Variants in PIK3CA observed in about 807,000 individuals in gnomAD.
PIK3CA encodes the protein phosphatidylinositol 4,5-bisphosphate 3-kinase catalytic subunit alpha isoform.
A neutral mutation model predicts 138.2 loss-of-function variants in PIK3CA; 27 were observed. The ratio of observed to expected loss-of-function variants is 0.20; its 90% CI spans 0.14 to 0.27. PIK3CA has a LOEUF of 0.27. Among genes scored for constraint, PIK3CA ranks in the 10% least tolerant of loss-of-function variants. PIK3CA has a pLI of 1.00. For synonymous variants in PIK3CA, 358 were observed against 413.2 expected (o/e 0.87, Z 1.62); for missense variants, 544 against 1,277.4 (o/e 0.43, Z 8.75).
intron 1 of PIK3CA, among the ~76,000 whole-genome samples, chr3:179,183,356 G>A (rs770168469): frequency 3.3e-5 from 5 of 151,958 alleles, no homozygotes; most frequent in African/African-American, 4.8e-5. Context: ...ATCCAATGTC[G>A]TAACATCCCA....
intron 1 of PIK3CA, chr3:179,149,703 C>G (rs1009173072): frequency 1.3e-5 from 2 of 152,158 alleles, no homozygotes; most frequent in Non-Finnish European, 2.9e-5. Flanking sequence ...GGGAGAACCC[C>G]TTAGAATACT....
At chr3:179,223,456 C>T (rs1725013249) in intron 14 of PIK3CA, among the ~76,000 whole-genome samples, 1 of 152,150 alleles carries the variant, frequency 6.6e-6, no homozygotes, top group Non-Finnish European at 1.5e-5. Context: ...TATGAGACTC[C>T]ATGTAACAAA....
At chr3:179,188,245 C>T (rs1180657465) in intron 1 of PIK3CA, among the ~76,000 whole-genome samples, 1 of 152,158 alleles carries the variant, frequency 6.6e-6, no homozygotes, top group Non-Finnish European at 1.5e-5. Flanking sequence ...ACAGGTGTTG[C>T]TAAAGATGTG....
intron 1 of PIK3CA, among the ~76,000 whole-genome samples, chr3:179,156,622 G>A (rs1429094402): frequency 6.6e-6 from 1 of 152,138 alleles, no homozygotes. Flanking sequence ...TGATCAGAAA[G>A]CAGTGATGTT....
Position 179,201,478 on chromosome 3 carries a change from AT to A in PIK3CA, c.755del (p.Leu252Ter). On this transcript the variant is annotated frameshift_variant, in exon 4 of 21. Transcript: ENST00000263967. LOFTEE classifies it high-confidence loss of function. ...TGTTTTAGAATATCAGGGCAAGTAT[AT>A]TTTAAAAGTGTGTGGATGTGATGAA... ...LCVLEYQGKY[I>X]LKVCGCDEYF... The A allele has an allele frequency of 6.2e-7, 1 of 1,612,262 alleles. No individual in the cohort carries two copies. The highest frequency in any genetic ancestry group is 8.5e-7 in the Non-Finnish European group (1 of 1,178,402).
At chr3:179,226,303 G>A (rs1356160837) in intron 17 of PIK3CA, among the ~76,000 whole-genome samples, 2 of 152,050 alleles carry the variant, frequency 1.3e-5, no homozygotes, top group East Asian at 3.9e-4. Flanking sequence ...CAAGACAAAG[G>A]AGACACAAAA....
intron 1 of PIK3CA, among the ~76,000 whole-genome samples, chr3:179,169,996 T>C (rs1359031141): frequency 6.6e-6 from 1 of 152,172 alleles, no homozygotes; most frequent in African/African-American, 2.4e-5. Flanking sequence ...ATTAATTCTC[T>C]CTCTTTCCCT....
intron 20 of PIK3CA, chr3:179,233,145 C>G: frequency 2.5e-6 from 1 of 393,846 alleles, no homozygotes; most frequent in East Asian, 3.6e-5. Flanking sequence ...AGAAATGAGC[C>G]ACCACACCTG....
At chr3:179,226,932 T>A (rs563873363) in intron 17 of PIK3CA, among the ~76,000 whole-genome samples, 2 of 152,210 alleles carry the variant, frequency 1.3e-5, no homozygotes, top group South Asian at 4.1e-4. Flanking sequence ...TCAAATTTCA[T>A]TTTTTGGTAT....
At chr3:179,187,624 A>T (rs1437084957) in intron 1 of PIK3CA, among the ~76,000 whole-genome samples, 1 of 148,864 alleles carries the variant, frequency 6.7e-6, no homozygotes, top group Non-Finnish European at 1.5e-5. Context: ...TACATATACC[A>T]TCTCATTTAA....
intron 3 of PIK3CA, among the ~76,000 whole-genome samples, chr3:179,200,715 C>G (rs527730421): frequency 6.6e-6 from 1 of 152,188 alleles, no homozygotes; most frequent in South Asian, 2.1e-4. Context: ...CTGTGAACAA[C>G]CAAACCTCTC....
At chr3:179,162,106 C>G (rs1723298558) in intron 1 of PIK3CA, among the ~76,000 whole-genome samples, 1 of 151,986 alleles carries the variant, frequency 6.6e-6, no homozygotes, top group South Asian at 2.1e-4. Context: ...CAGAAATATA[C>G]ATTTTATCTC....
At chr3:179,164,848 A>G (rs1224999783) in intron 1 of PIK3CA, among the ~76,000 whole-genome samples, 8 of 152,114 alleles carry the variant, frequency 5.3e-5, no homozygotes, top group Admixed American at 2.0e-4. Flanking sequence ...CAGCCTGGGC[A>G]ACAAGAGTGA....
intron 1 of PIK3CA, among the ~76,000 whole-genome samples, chr3:179,174,754 A>G (rs1365985884): frequency 6.6e-6 from 1 of 152,156 alleles, no homozygotes; most frequent in Non-Finnish European, 1.5e-5. Flanking sequence ...ATCCACATTT[A>G]GTTATTTCAT....
At chr3:179,224,026 T>TTTTA in intron 14 of PIK3CA, 55 bp from the exon 15 acceptor site, 1 of 959,536 alleles carries the variant, frequency 1.0e-6, no homozygotes, top group South Asian at 1.3e-5. Context: ...TAGCAGTTAG[T>TTTTA]TTTATCTTTT....
At chr3:179,190,310 CCCCCCACCA>C in intron 1 of PIK3CA, among the ~76,000 whole-genome samples, 1 of 147,406 alleles carries the variant, frequency 6.8e-6, no homozygotes, top group African/African-American at 2.5e-5. Context: ...ATAGTGCACC[CCCCCCACCA>C]CCCCCAGCAT....
intron 1 of PIK3CA, among the ~76,000 whole-genome samples, chr3:179,171,406 AGT>A (rs1420974402): frequency 5.9e-5 from 9 of 152,124 alleles, no homozygotes; most frequent in African/African-American, 2.2e-4. Context: ...GAAAGAGTAA[AGT>A]GTACCAAAGT....
At chr3:179,216,770 TC>T (rs963926017) in intron 9 of PIK3CA, among the ~76,000 whole-genome samples, 5 of 152,152 alleles carry the variant, frequency 3.3e-5, no homozygotes, top group African/African-American at 1.2e-4. Flanking sequence ...AAAATTGTTT[TC>T]CCCATCACTT....
Position 179,224,064 on chromosome 3 carries a change from C to CT in PIK3CA, c.2188-17_2188-16insT. 7.2e-7 allele frequency: 1 copy of CT among 1,383,230 alleles called. No individual in the cohort carries two copies. Among genetic ancestry groups the CT allele is most frequent in the South Asian group, 1.2e-5 (1 of 83,846 alleles). 85.7% of individuals were successfully genotyped at this position (1,383,230 alleles called of 1,614,324 possible). On this transcript the variant is annotated splice_polypyrimidine_tract_variant and intron_variant, in intron 14 of 20. Coordinates refer to ENST00000263967, the MANE Select transcript of PIK3CA (RefSeq NM_006218.4). The stretch of plus-strand genomic sequence containing the variant: ...TAAGTCAGTTTCTTACTGTGACTAT[C>CT]CTTTTTTTTTAATCAGGTACAGATG...
Sources: allele counts gnomAD v4.1 joint callset (sites outside exome capture counted in the v4.1 genomes callset), GRCh38; gene constraint gnomAD v4.1.1; transcripts MANE v1.5; gene names NCBI Gene and HGNC (gene_info 2026-07-23, HGNC 2026-07-21).